KIAA1217: variants seen among roughly 807,000 people sequenced by gnomAD.
KIAA1217 encodes KIAA1217, also known as sickle tail protein homolog.
KIAA1217 carries 88 observed loss-of-function variants against 163.9 expected under a neutral mutation model. The observed-to-expected ratio is 0.54, with a 90% CI of 0.45 to 0.64. The LOEUF is 0.64. Among genes scored for constraint, KIAA1217 ranks in the 30% least tolerant of loss-of-function variants. The probability of loss-of-function intolerance (pLI) is 0.00; values close to 1 mark genes in which losing one functional copy is unlikely to be tolerated. For missense variants in KIAA1217, 2,372 were observed against 2,475.0 expected (o/e 0.96, Z 0.88); for synonymous variants, 903 against 923.1 (o/e 0.98, Z 0.39).
intron 1 of KIAA1217, among the ~76,000 whole-genome samples, chr10:23,987,151 G>C (rs1026157179): frequency 6.6e-6 from 1 of 152,068 alleles, no homozygotes; most frequent in Non-Finnish European, 1.5e-5. Flanking sequence ...GCAGAGGCAG[G>C]TGTATCACGA....
chr10:24,005,629 C>G (rs191118144), intron 1 of KIAA1217, among the ~76,000 whole-genome samples: 1 of 152,254 alleles, frequency 6.6e-6, no homozygotes, highest in African/African-American at 2.4e-5. Flanking sequence ...TCACTTCTAC[C>G]TTTCCAGAGA....
chr10:24,051,933 G>A (rs1054260316), intron 2 of KIAA1217, among the ~76,000 whole-genome samples: 10 of 152,032 alleles, frequency 6.6e-5, no homozygotes, highest in African/African-American at 2.2e-4. Context: ...TATTTCTTTT[G>A]CTGTGCAGAA....
intron 1 of KIAA1217, among the ~76,000 whole-genome samples, chr10:23,896,683 T>G (rs1388324820): frequency 6.6e-6 from 1 of 152,084 alleles, no homozygotes; most frequent in Non-Finnish European, 1.5e-5. Flanking sequence ...AAGGTTGGGT[T>G]AATCTCTTAA....
intron 2 of KIAA1217, among the ~76,000 whole-genome samples, chr10:24,302,401 G>A (rs182468777): frequency 6.6e-6 from 1 of 152,162 alleles, no homozygotes; most frequent in South Asian, 2.1e-4. Context: ...GCATGCCTAG[G>A]TTAAGTTATT....
chr10:24,229,443 A>T (rs897038657), intron 2 of KIAA1217, among the ~76,000 whole-genome samples: 7 of 152,234 alleles, frequency 4.6e-5, no homozygotes, highest in Non-Finnish European at 8.8e-5. Context: ...ATGTAGTAGA[A>T]GCAGCTACTT....
chr10:24,278,149 C>T (rs1295438535), intron 2 of KIAA1217, among the ~76,000 whole-genome samples: 1 of 151,996 alleles, frequency 6.6e-6, no homozygotes, highest in Non-Finnish European at 1.5e-5. Flanking sequence ...TGGAGCAGGC[C>T]AAAACACTGT....
At chr10:24,227,423 T>C (rs2070738629) in intron 2 of KIAA1217, among the ~76,000 whole-genome samples, 1 of 151,950 alleles carries the variant, frequency 6.6e-6, no homozygotes. Flanking sequence ...CCTCCCAAAG[T>C]GTTGGGATTA....
At chr10:24,400,965 A>ACACACACG (rs1301910291) in intron 3 of KIAA1217, among the ~76,000 whole-genome samples, 1 of 142,850 alleles carries the variant, frequency 7.0e-6, no homozygotes, top group African/African-American at 2.7e-5. Flanking sequence ...AGAAACATAC[A>ACACACACG]CACACACACA....
intron 1 of KIAA1217, among the ~76,000 whole-genome samples, chr10:23,818,496 C>G (rs1837471804): frequency 6.6e-6 from 1 of 151,462 alleles, no homozygotes; most frequent in Non-Finnish European, 1.5e-5. Context: ...TTCCAGATTC[C>G]CTGTTGGTAG....
At chr10:24,176,760 A>G (rs2065910396) in intron 2 of KIAA1217, among the ~76,000 whole-genome samples, 1 of 152,218 alleles carries the variant, frequency 6.6e-6, no homozygotes, top group South Asian at 2.1e-4. Flanking sequence ...TGATAGGACT[A>G]GGCACCGCGG....
rs1171206373 is a variant in KIAA1217 at position 24,486,361 on chromosome 10, A to ACAGC, written c.1680-8138_1680-8135dup. On this transcript the variant is annotated intron_variant, in intron 6 of 20. Transcript: ENST00000376454. ...GAATGCCCTTCTCGGCTGGACTGGG[A>ACAGC]CAGCTCCAGGGTATCCCTATTGTCC... 5.3e-5 allele frequency among the ~76,000 whole-genome samples: 8 copies of ACAGC among 152,318 alleles called. No homozygotes were observed. In the East Asian group the frequency reaches 1.5e-3, roughly 29 times the overall value.
chr10:24,014,308 A>G (rs979388320), intron 2 of KIAA1217, among the ~76,000 whole-genome samples: 1 of 152,204 alleles, frequency 6.6e-6, no homozygotes, highest in Non-Finnish European at 1.5e-5. Context: ...ACTAGCTACC[A>G]TTGGAGAAAC....
chr10:24,075,148 ACACACACACACACACAC>A (rs2061330136), intron 2 of KIAA1217, among the ~76,000 whole-genome samples: 3 of 143,670 alleles, frequency 2.1e-5, no homozygotes, highest in African/African-American at 8.9e-5. Flanking sequence ...ACACACACAC[ACACACACACACACACAC>A]CCCTTCCTCA....
intron 2 of KIAA1217, among the ~76,000 whole-genome samples, chr10:24,159,319 C>A (rs1448732791): frequency 6.6e-6 from 1 of 152,154 alleles, no homozygotes; most frequent in African/African-American, 2.4e-5. Flanking sequence ...ACTACAGTTT[C>A]TTCATAATAA....
intron 2 of KIAA1217, chr10:24,158,271 G>A (rs1377851589): frequency 1.4e-6 from 1 of 717,458 alleles, no homozygotes; most frequent in Non-Finnish European, 2.6e-6. Flanking sequence ...CATGAAAGAT[G>A]ACATTTTCTC....
At chr10:24,300,926 C>A (rs2041245388) in intron 2 of KIAA1217, among the ~76,000 whole-genome samples, 2 of 152,158 alleles carry the variant, frequency 1.3e-5, no homozygotes, top group Admixed American at 1.3e-4. Context: ...AATTCTCATG[C>A]CTCTGCCTTC....
At chr10:24,044,010 A>G (rs925511369) in intron 2 of KIAA1217, among the ~76,000 whole-genome samples, 1 of 152,174 alleles carries the variant, frequency 6.6e-6, no homozygotes, top group African/African-American at 2.4e-5. Flanking sequence ...GAGATAAATT[A>G]TAAAATAATG....
intron 5 of KIAA1217, among the ~76,000 whole-genome samples, chr10:24,465,129 G>T (rs114589881): frequency 6.8e-4 from 103 of 152,292 alleles, no homozygotes; most frequent in African/African-American, 2.5e-3. Flanking sequence ...ATGTATACCA[G>T]ATTCATCAGA....
intron 2 of KIAA1217, among the ~76,000 whole-genome samples, chr10:24,169,959 A>T (rs1035298654): frequency 6.6e-6 from 1 of 152,240 alleles, no homozygotes; most frequent in Non-Finnish European, 1.5e-5. Context: ...GTATTCAAAA[A>T]GCTTTAAGGG....
Sources: gnomAD v4.1 joint callset for allele counts (sites outside exome capture counted in the v4.1 genomes callset) on GRCh38, gnomAD v4.1.1 for gene constraint, MANE v1.5 for transcripts, NCBI Gene and HGNC (gene_info 2026-07-23, HGNC 2026-07-21) for gene names.